SLC14A2: variants seen among roughly 807,000 people sequenced by gnomAD.
SLC14A2 encodes urea transporter 2.
SLC14A2 carries 91 observed loss-of-function variants against 104.6 expected under a neutral mutation model. The ratio of observed to expected loss-of-function variants is 0.87; its 90% CI spans 0.73 to 1.04. The LOEUF is 1.04. SLC14A2 is among the 50% of genes least tolerant of loss of function. SLC14A2 has a pLI of 0.00. For synonymous variants in SLC14A2, 476 were observed against 466.4 expected (o/e 1.02, Z -0.27); for missense variants, 1,189 against 1,156.0 (o/e 1.03, Z -0.41).
At chr18:45,417,753 T>C (rs2144510026) in intron 1 of SLC14A2, among the ~76,000 whole-genome samples, 1 of 152,302 alleles carries the variant, frequency 6.6e-6, no homozygotes, top group East Asian at 1.9e-4. Context: ...TTGCCTTAAG[T>C]GTGACCTCTC....
In SLC14A2 at chr18:45,679,001, G is replaced by A; in HGVS notation, c.2539G>A (p.Ala847Thr). 1.9e-6 allele frequency: 3 copies of A among 1,601,108 alleles called. No homozygotes were observed. The highest frequency in any genetic ancestry group is 2.5e-6 in the Non-Finnish European group (3 of 1,176,496). The change falls in exon 19 of 20, where the codon GCC becomes ACC. Residue 847 changes from alanine (A) to threonine (T), a missense_variant. Ala to Thr is a moderately conservative substitution (Grantham distance 58). Transcript: ENST00000255226. ...ACTGTTTGCTGCCTACCTGGGTGCT[G>A]CCCTGGCTAACATGTTATCTGTGGT... is the stretch of plus-strand genomic sequence containing the variant. ...CALFAAYLGA[A>T]LANMLSVFGL...
intron 1 of SLC14A2, among the ~76,000 whole-genome samples, chr18:45,414,755 AAAATAT>A (rs1200456448): frequency 7.0e-4 from 45 of 64,110 alleles, no homozygotes; most frequent in Middle Eastern, 7.2e-3. Context: ...AAAAAAAAAA[AAAATAT>A]ATATATATAT....
chr18:45,255,859 G>C (rs1394511253), intron 1 of SLC14A2, among the ~76,000 whole-genome samples: 1 of 152,142 alleles, frequency 6.6e-6, no homozygotes, highest in African/African-American at 2.4e-5. Flanking sequence ...AGAGTTTTGT[G>C]GGCAGCTCCT....
intron 1 of SLC14A2, among the ~76,000 whole-genome samples, chr18:45,475,652 T>TATATATATATTTAGG (rs2087355935): frequency 2.4e-5 from 1 of 41,042 alleles, no homozygotes; most frequent in African/African-American, 1.6e-4. Flanking sequence ...GATATATATA[T>TATATATATATTTAGG]ATATATATAT....
At chr18:45,334,788 A>T (rs921517397) in intron 1 of SLC14A2, among the ~76,000 whole-genome samples, 1 of 152,180 alleles carries the variant, frequency 6.6e-6, no homozygotes, top group African/African-American at 2.4e-5. Flanking sequence ...CCCTAGGTGA[A>T]TGGTGACTGT....
At chr18:45,251,022 T>A (rs2084417667) in intron 1 of SLC14A2, among the ~76,000 whole-genome samples, 2 of 152,118 alleles carry the variant, frequency 1.3e-5, no homozygotes, top group African/African-American at 4.8e-5. Context: ...AGAAAAAGAA[T>A]CTTTTTATTA....
intron 16 of SLC14A2, among the ~76,000 whole-genome samples, chr18:45,672,454 G>A (rs56330208): frequency 0.043 from 6,600 of 151,894 alleles, 429 homozygotes; most frequent in African/African-American, 0.15. Flanking sequence ...TCTTGAACCC[G>A]GGAGGCGGAG....
chr18:45,385,865 T>C (rs1314097642), intron 1 of SLC14A2, among the ~76,000 whole-genome samples: 1 of 152,118 alleles, frequency 6.6e-6, no homozygotes, highest in Non-Finnish European at 1.5e-5. Flanking sequence ...CCTAAGTCAG[T>C]TGATAGCATC....
At chr18:45,577,169 T>TAACCCTGGGAGGGTTAATTAGCC (rs2144351022) in intron 2 of SLC14A2, among the ~76,000 whole-genome samples, 1 of 151,186 alleles carries the variant, frequency 6.6e-6, no homozygotes, top group South Asian at 2.1e-4. Context: ...AGGAATTAGC[T>TAACCCTGGGAGGGTTAATTAGCC]AACCTCCAGG....
At chr18:45,410,463 A>G (rs777218917) in intron 1 of SLC14A2, among the ~76,000 whole-genome samples, 10 of 152,216 alleles carry the variant, frequency 6.6e-5, no homozygotes, top group Non-Finnish European at 2.9e-5. Context: ...GCCTAACCTC[A>G]TATGATATAT....
intron 1 of SLC14A2, among the ~76,000 whole-genome samples, chr18:45,243,081 C>A (rs990578088): frequency 6.6e-6 from 1 of 152,126 alleles, no homozygotes; most frequent in African/African-American, 2.4e-5. Flanking sequence ...ATTAATTTGG[C>A]CTTTTGGGCC....
At chr18:45,578,745 C>T (rs1682985398) in intron 2 of SLC14A2, among the ~76,000 whole-genome samples, 1 of 152,238 alleles carries the variant, frequency 6.6e-6, no homozygotes, top group African/African-American at 2.4e-5. Flanking sequence ...CTCATTCCAA[C>T]AATGGAGATA....
upstream of SLC14A2, among the ~76,000 whole-genome samples, chr18:45,211,540 C>A (rs563522136): frequency 3.3e-5 from 5 of 152,160 alleles, no homozygotes; most frequent in South Asian, 1.0e-3. Flanking sequence ...CCATTCTACC[C>A]TCTTCTCTTC....
At chr18:45,637,917 C>T (rs934450999) in intron 6 of SLC14A2, among the ~76,000 whole-genome samples, 1 of 152,186 alleles carries the variant, frequency 6.6e-6, no homozygotes, top group East Asian at 1.9e-4. Flanking sequence ...GTGTCAGCTG[C>T]GGCCTGGGAG....
chr18:45,373,715 T>G (rs1187613801), intron 1 of SLC14A2, among the ~76,000 whole-genome samples: 1 of 152,140 alleles, frequency 6.6e-6, no homozygotes, highest in Non-Finnish European at 1.5e-5. Flanking sequence ...AAGAGTATAG[T>G]GTAGTGGTTA....
intron 10 of SLC14A2, among the ~76,000 whole-genome samples, chr18:45,649,213 T>G (rs2045686210): frequency 6.7e-6 from 1 of 150,228 alleles, no homozygotes; most frequent in Admixed American, 6.6e-5. Context: ...ATTTGTCTCT[T>G]ATTATATAAA....
chr18:45,658,489 G>T (rs1480702398), intron 10 of SLC14A2, among the ~76,000 whole-genome samples: 1 of 152,078 alleles, frequency 6.6e-6, no homozygotes, highest in Non-Finnish European at 1.5e-5. Flanking sequence ...GCTGAGACAG[G>T]AGAATTGCTT....
At chr18:45,376,602 C>T (rs544528562) in intron 1 of SLC14A2, among the ~76,000 whole-genome samples, 1 of 152,290 alleles carries the variant, frequency 6.6e-6, no homozygotes, top group African/African-American at 2.4e-5. Flanking sequence ...GTGGTTCTAA[C>T]TGTTGATGCG....
intron 1 of SLC14A2, among the ~76,000 whole-genome samples, chr18:45,271,369 A>C (rs2084649210): frequency 1.3e-5 from 2 of 152,134 alleles, no homozygotes; most frequent in Non-Finnish European, 2.9e-5. Flanking sequence ...GTTAGCACAG[A>C]TTGTAGAAAA....
Sources: gnomAD v4.1 joint callset for allele counts (sites outside exome capture counted in the v4.1 genomes callset) on GRCh38, gnomAD v4.1.1 for gene constraint, MANE v1.5 for transcripts, NCBI Gene and HGNC (gene_info 2026-07-23, HGNC 2026-07-21) for gene names.